ULK1: variants seen among roughly 807,000 people sequenced by gnomAD.
The protein encoded by ULK1 is serine/threonine-protein kinase ULK1.
Under a neutral mutation model 117.5 loss-of-function variants are expected in ULK1, and 48 were observed. The observed-to-expected ratio is 0.41, with a 90% CI of 0.32 to 0.52. The LOEUF (loss-of-function observed/expected upper bound fraction) is 0.52. ULK1 is among the 20% of genes least tolerant of loss of function. The pLI, the probability that ULK1 is intolerant of heterozygous loss-of-function variation, is 0.29. For synonymous variants in ULK1, 790 were observed against 637.8 expected, an observed-to-expected ratio of 1.24 and a Z score of -3.60; for missense variants, 1,387 against 1,473.4, an observed-to-expected ratio of 0.94 and a Z score of 0.96.
At chr12:131,911,204 T>G (rs972659950) in intron 12 of ULK1, among the ~76,000 whole-genome samples, 1 of 152,214 alleles carries the variant, frequency 6.6e-6, no homozygotes, top group Admixed American at 6.5e-5. Context: ...GGGAGGGGTC[T>G]GCAGAGCACC....
chr12:131,901,343 C>T (rs1370037702), intron 3 of ULK1, among the ~76,000 whole-genome samples: 3 of 145,932 alleles, frequency 2.1e-5, no homozygotes, highest in East Asian at 2.0e-4. Context: ...TGGGTGACAG[C>T]GAGACTCGTC....
intron 23 of ULK1, among the ~76,000 whole-genome samples, 158 bp from the exon 24 acceptor site, chr12:131,919,054 G>A (rs1246887604): frequency 6.6e-6 from 1 of 150,870 alleles, no homozygotes; most frequent in Non-Finnish European, 1.5e-5. Context: ...GGTGCAGGGT[G>A]TGTGGGGTGT....
intron 3 of ULK1, among the ~76,000 whole-genome samples, chr12:131,904,616 C>T (rs1214814311): frequency 6.6e-6 from 1 of 152,142 alleles, no homozygotes; most frequent in Non-Finnish European, 1.5e-5. Flanking sequence ...GCTCTGCACA[C>T]ATGGGTGTTC....
chr12:131,906,818 G>A lies in ULK1; in HGVS notation c.247-74G>A, dbSNP rs115517693. 1,880 of 1,599,650 alleles carry A rather than the reference G, an allele frequency of 1.2e-3. 24 individuals are homozygous for A. The African/African-American group carries it at 0.022, about 18-fold the overall frequency. On this transcript the variant is annotated intron_variant, in intron 3 of 27. Coordinates refer to ENST00000321867, the MANE Select transcript of ULK1 (RefSeq NM_003565.4). ...CTGCAGGGCCTGCCCAGGCCGAATTGGGGCTGAGCCAGACTCCCTGCAGTG... is the reference window on the plus strand; with the variant it reads ...CTGCAGGGCCTGCCCAGGCCGAATTAGGGCTGAGCCAGACTCCCTGCAGTG...
chr12:131,916,247 C>T, intron 19 of ULK1, 88 bp downstream of exon 19: 1 of 1,538,766 alleles, frequency 6.5e-7, no homozygotes, highest in Non-Finnish European at 8.8e-7. Context: ...CCGAGGAAGG[C>T]AGCTCTGTAC....
At position 131,903,916 on chromosome 12, in the gene ULK1, G is replaced by C. The variant is rs1208078909; in HGVS notation, c.247-2976G>C. Among the ~76,000 whole-genome samples, 3 of 152,120 alleles carry C rather than the reference G, an allele frequency of 2.0e-5. No individual in the cohort carries two copies. The highest frequency in any genetic ancestry group is 7.2e-5 in the African/African-American group (3 of 41,430). ...GGTCTCTAGGAAGGTGACCTAGGGG[G>C]TGACATCTGTGACTCTGGGGCAAGG... On this transcript the variant is annotated intron_variant, in intron 3 of 27. Coordinates refer to ENST00000321867, the MANE Select transcript of ULK1 (RefSeq NM_003565.4). The surrounding 1 kb of genome is among the most constrained non-coding windows in gnomAD (Gnocchi z 6.0).
intron 22 of ULK1, 123 bp from the exon 23 acceptor site, chr12:131,918,374 A>G: frequency 8.5e-6 from 10 of 1,174,554 alleles, no homozygotes; most frequent in African/African-American, 1.5e-5. Context: ...GCATTGGGAT[A>G]TAACAGGTGT....
chr12:131,900,458 G>A (rs1889041669), intron 3 of ULK1, among the ~76,000 whole-genome samples: 1 of 152,218 alleles, frequency 6.6e-6, no homozygotes, highest in Non-Finnish European at 1.5e-5. Context: ...GGAGGCGGCT[G>A]GAGCACCTGG....
intron 23 of ULK1, 65 bp downstream of exon 23, chr12:131,918,746 C>CGGGTGTGTGAGGTATA (rs1889981201): frequency 1.3e-5 from 6 of 460,776 alleles, no homozygotes; most frequent in South Asian, 8.9e-5. Context: ...TGTGGGGTGT[C>CGGGTGTGTGAGGTATA]GGGTGTGTGG....
chr12:131,917,371 G>A (rs375430086), intron 21 of ULK1, 40 bp from the exon 22 acceptor site: 257 of 1,313,790 alleles, frequency 2.0e-4, no homozygotes, highest in Admixed American at 5.0e-4. Flanking sequence ...GGGGGTCGGC[G>A]GGAGTCAGGA....
At chr12:131,911,723 C>T (rs74875721) in intron 12 of ULK1, among the ~76,000 whole-genome samples, 15,697 of 152,046 alleles carry the variant, frequency 0.1, 1,423 homozygotes, top group East Asian at 0.53. Context: ...AGTGGCTCGT[C>T]GGGGGGCCTG....
Position 131,921,113 on chromosome 12 carries a change from C to T in ULK1, c.2975C>T (p.Ala992Val). The T allele has an allele frequency of 6.3e-7, 1 of 1,598,478 alleles. No homozygotes were observed. Among genetic ancestry groups the T allele is most frequent in the South Asian group, 1.1e-5 (1 of 90,948 alleles). Residue 992 changes from alanine to valine, a missense_variant, in exon 27 of 28, where the codon GCC becomes GTC. Coordinates refer to ENST00000321867, the MANE Select transcript of ULK1 (RefSeq NM_003565.4). ...CCTCGCCCCCAGGTGCAGTCGGCTG[C>T]CCTGGACGAGATGTTCCAGCACCGT... Reference protein sequence around the residue: ...SHAVQMVQSAALDEMFQHREG... With the variant: ...SHAVQMVQSAVLDEMFQHREG...
chr12:131,910,748 G>T lies in ULK1; in HGVS notation c.896G>T (p.Gly299Val), dbSNP rs956895534. The change falls in exon 12 of 28, where the codon GGG becomes GTG. Residue 299 changes from glycine (G) to valine (V), a missense_variant. Transcript: ENST00000321867. ...PVPVPSYPSS[G>V]SGSSSSSSST... Reference sequence around the variant, plus strand: ...CCTGTGCCCTCGTACCCAAGCTCGGGGTCCGGCAGCAGCTCCAGCAGCAGC... The same window carrying T: ...CCTGTGCCCTCGTACCCAAGCTCGGTGTCCGGCAGCAGCTCCAGCAGCAGC... The T allele has an allele frequency of 6.2e-7, 1 of 1,612,762 alleles. No individual in the cohort carries two copies. Among genetic ancestry groups the T allele is most frequent in the Non-Finnish European group, 8.5e-7 (1 of 1,179,918 alleles).
chr12:131,908,480 G>A, intron 5 of ULK1, 164 bp from the exon 6 acceptor site: 2 of 771,058 alleles, frequency 2.6e-6, no homozygotes, highest in Non-Finnish European at 1.9e-6. Context: ...CCCTGGTCTC[G>A]GCGGCCCGTG....
chr12:131,915,579 G>A (rs1276687025), intron 18 of ULK1, among the ~76,000 whole-genome samples, 158 bp downstream of exon 18: 1 of 152,224 alleles, frequency 6.6e-6, no homozygotes, highest in African/African-American at 2.4e-5. Context: ...GGCTGTGTGG[G>A]CTGGGGCAAG....
In ULK1 at chr12:131,917,167, CGAGGCTGTGGGATGGGGGTCGGGTGG is replaced by C. The variant is rs1889858141; in HGVS notation, c.2182+107_2182+132del. On this transcript the variant is annotated intron_variant, in intron 21 of 27. Coordinates refer to ENST00000321867, the MANE Select transcript of ULK1 (RefSeq NM_003565.4). ...GGGTCGGAGGCTGTGGGATGGGGCT[CGAGGCTGTGGGATGGGGGTCGGGTGG>C]GGCTTGGAGGCTGTGGGATGGGGCT... The C allele has an allele frequency of 2.9e-4, 23 of 78,662 alleles. 7 individuals are homozygous for C. The African/African-American group carries it at 0.011, about 37-fold the overall frequency. The allele number at this position is 78,662 out of a possible 1,614,324, so 4.9% of individuals were successfully genotyped here.
rs555905698 is a variant in ULK1, at chr12:131,916,462, G to T, written c.1943G>T (p.Arg648Leu). The change falls in exon 20 of 28, where the codon CGG (arginine) becomes CTG (leucine). Residue 648 changes from arginine to leucine, a missense_variant. Transcript: ENST00000321867. ...CAGAACCTGCTGGCCCTCCTAGCCC[G>T]GCAGGGCGTGGTGATGACGCCCCCT... ...SSQNLLALLA[R>L]QGVVMTPPRN... is the part of the protein sequence containing the mutation. 5.6e-6 allele frequency: 9 copies of T among 1,611,784 alleles called. No individual in the cohort carries two copies. The highest frequency in any genetic ancestry group is 5.9e-6 in the Non-Finnish European group (7 of 1,179,504).
In ULK1 at chr12:131,908,789, C is replaced by G. The variant is rs754289064; in HGVS notation, c.462C>G (p.Ala154=). 6.2e-7 allele frequency: 1 copy of G among 1,607,312 alleles called. No homozygotes were observed. Among genetic ancestry groups the G allele is most frequent in the East Asian group, 2.2e-5 (1 of 44,674 alleles). The part of the protein sequence containing the change: ...ILLSNPAGRR[A]NPNSIRVKIA... Reference sequence around the variant, plus strand: ...TGTCCAACCCCGCCGGCCGCCGCGCCAACCCCAACAGCATCCGCGTCAAGA... The same window carrying G: ...TGTCCAACCCCGCCGGCCGCCGCGCGAACCCCAACAGCATCCGCGTCAAGA... The change falls in exon 6 of 28, where the codon GCC becomes GCG. Residue 154 remains alanine (A), a synonymous_variant. Transcript: ENST00000321867.
chr12:131,918,188 G>T (rs1354853481), intron 22 of ULK1: 2 of 476,530 alleles, frequency 4.2e-6, no homozygotes, highest in Non-Finnish European at 7.5e-6. Flanking sequence ...ATTCCAGACA[G>T]TGGCAGCTGC....
Sources: gnomAD v4.1 joint callset for allele counts (sites outside exome capture counted in the v4.1 genomes callset) on GRCh38, gnomAD v4.1.1 for gene constraint, Gnocchi (gnomAD v3.1) non-coding constraint, MANE v1.5 for transcripts, NCBI Gene and HGNC (gene_info 2026-07-23, HGNC 2026-07-21) for gene names.